Variants in IL1RAPL1 observed in about 807,000 individuals in gnomAD.
The protein encoded by IL1RAPL1 is interleukin 1 receptor accessory protein like 1.
Under a neutral mutation model 48.4 loss-of-function variants are expected in IL1RAPL1, and 3 were observed. The ratio of observed to expected loss-of-function variants is 0.06; its 90% CI spans 0.03 to 0.16. IL1RAPL1 has a LOEUF of 0.16. IL1RAPL1 is among the 10% of genes least tolerant of loss of function. The probability of loss-of-function intolerance (pLI) is 1.00; values close to 1 mark genes in which losing one functional copy is unlikely to be tolerated. For missense variants in IL1RAPL1, 349 were observed against 530.6 expected, an observed-to-expected ratio of 0.66 and a Z score of 3.36; for synonymous variants, 185 against 187.7, an observed-to-expected ratio of 0.99 and a Z score of 0.12.
At chrX:29,400,278 G>C (rs927027534) in intron 5 of IL1RAPL1, among the ~76,000 whole-genome samples, 2 of 112,079 alleles carry the variant, frequency 1.8e-5, no homozygotes, top group Non-Finnish European at 3.8e-5. Flanking sequence ...AAATGGTGTT[G>C]ATAAAATTTG....
intron 5 of IL1RAPL1, among the ~76,000 whole-genome samples, chrX:29,560,417 A>G (rs7887752): frequency 0.13 from 13,916 of 111,327 alleles, 1,080 homozygotes; most frequent in African/African-American, 0.28. Context: ...ATCTATATCT[A>G]TCTCAATATT....
At position 29,955,853 on chromosome X, in the gene IL1RAPL1, G is replaced by A. The variant is rs781046009; in HGVS notation, c.*33G>A. The A allele has an allele frequency of 2.7e-6, 3 of 1,106,669 alleles. No individual in the cohort carries two copies. The highest frequency in any genetic ancestry group is 3.7e-6 in the Non-Finnish European group (3 of 802,578). 91.2% of individuals were successfully genotyped at this position (1,106,669 alleles called of 1,213,427 possible). A position where few individuals can be genotyped will look rare whatever the true frequency, so the allele number is the denominator to read the frequency against. On this transcript the variant is annotated 3_prime_UTR_variant, in exon 11 of 11. Coordinates refer to ENST00000378993, the MANE Select transcript of IL1RAPL1 (RefSeq NM_014271.4). ...GCAAGGGACATCCCGTCCCTGGGAG[G>A]TTGAGTGGAATCTGCAGTCCAGTGC...
intron 2 of IL1RAPL1, among the ~76,000 whole-genome samples, chrX:28,940,162 C>A: frequency 1.8e-5 from 2 of 111,205 alleles, no homozygotes; most frequent in Middle Eastern, 4.7e-3. Context: ...CATAGACATA[C>A]CTCTTATTAC....
chrX:29,381,863 T>TAC (rs1556002358), intron 3 of IL1RAPL1, among the ~76,000 whole-genome samples: 6 of 97,160 alleles, frequency 6.2e-5, no homozygotes, highest in East Asian at 3.3e-4. Context: ...TATATATATA[T>TAC]ACATATACTT....
At chrX:28,895,685 C>A (rs948650734) in intron 2 of IL1RAPL1, among the ~76,000 whole-genome samples, 2 of 111,205 alleles carry the variant, frequency 1.8e-5, no homozygotes, top group Non-Finnish European at 1.9e-5. Flanking sequence ...TCAATACCTA[C>A]CACAGTTATG....
chrX:28,890,560 A>G (rs1234949920), intron 2 of IL1RAPL1, among the ~76,000 whole-genome samples: 1 of 111,789 alleles, frequency 8.9e-6, no homozygotes, highest in Non-Finnish European at 1.9e-5. Flanking sequence ...TTTTCTCACT[A>G]TACAAATAAG....
chrX:29,563,037 T>G (rs1569339625), intron 5 of IL1RAPL1, among the ~76,000 whole-genome samples: 1 of 111,361 alleles, frequency 9.0e-6, no homozygotes, highest in African/African-American at 3.3e-5. Flanking sequence ...TGACCCTACT[T>G]AAAAAAAATT....
intron 2 of IL1RAPL1, among the ~76,000 whole-genome samples, chrX:29,157,124 T>C (rs188999254): frequency 9.0e-6 from 1 of 110,966 alleles, no homozygotes; most frequent in Non-Finnish European, 1.9e-5. Flanking sequence ...AATGTGGACA[T>C]GTGGGTAGGT....
intron 2 of IL1RAPL1, among the ~76,000 whole-genome samples, chrX:29,183,588 G>A (rs1930189641): frequency 8.9e-6 from 1 of 112,051 alleles, no homozygotes; most frequent in Non-Finnish European, 1.9e-5. Flanking sequence ...GTCATCCCCA[G>A]TACAGATGAG....
intron 2 of IL1RAPL1, among the ~76,000 whole-genome samples, chrX:28,909,782 A>G (rs1285044515): frequency 9.0e-6 from 1 of 111,698 alleles, no homozygotes; most frequent in Non-Finnish European, 1.9e-5. Flanking sequence ...TTCTCTGGTT[A>G]TAGTAAAAAC....
At chrX:28,623,188 G>A (rs754885917) in intron 1 of IL1RAPL1, among the ~76,000 whole-genome samples, 4 of 110,579 alleles carry the variant, frequency 3.6e-5, no homozygotes, top group Non-Finnish European at 5.7e-5. Context: ...TTCCTTATAT[G>A]GGTCATGCCA....
intron 6 of IL1RAPL1, among the ~76,000 whole-genome samples, chrX:29,899,494 CTG>C (rs759345917): frequency 2.7e-5 from 3 of 110,052 alleles, no homozygotes; most frequent in Non-Finnish European, 5.7e-5. Flanking sequence ...GAAAAGAACT[CTG>C]AGAGACGTAG....
intron 5 of IL1RAPL1, among the ~76,000 whole-genome samples, chrX:29,425,686 C>A (rs1240603336): frequency 9.0e-6 from 1 of 111,174 alleles, no homozygotes; most frequent in Non-Finnish European, 1.9e-5. Context: ...CTCAAGCAAT[C>A]CGCCCACCTC....
chrX:29,887,994 T>C (rs1932201034), intron 6 of IL1RAPL1, among the ~76,000 whole-genome samples: 1 of 111,474 alleles, frequency 9.0e-6, no homozygotes, highest in African/African-American at 3.3e-5. Flanking sequence ...CCCCATAAAC[T>C]CCTAACACCC....
At chrX:29,800,710 C>T (rs1038297673) in intron 6 of IL1RAPL1, among the ~76,000 whole-genome samples, 10 of 106,647 alleles carry the variant, frequency 9.4e-5, no homozygotes, top group Non-Finnish European at 1.7e-4. Flanking sequence ...TTTGGCCAGG[C>T]GCAGTGGCTC....
At chrX:29,526,217 A>G (rs1187066986) in intron 5 of IL1RAPL1, among the ~76,000 whole-genome samples, 1 of 112,062 alleles carries the variant, frequency 8.9e-6, no homozygotes, top group Non-Finnish European at 1.9e-5. Flanking sequence ...TTAAGGATTT[A>G]AAATATACTG....
chrX:29,343,588 AG>A (rs2147647436), intron 3 of IL1RAPL1, among the ~76,000 whole-genome samples: 1 of 112,112 alleles, frequency 8.9e-6, no homozygotes, highest in African/African-American at 3.2e-5. Flanking sequence ...GATTTTATTA[AG>A]TGTCTTATTT....
intron 2 of IL1RAPL1, among the ~76,000 whole-genome samples, chrX:29,198,969 A>G (rs935009650): frequency 1.8e-5 from 2 of 111,930 alleles, no homozygotes; most frequent in African/African-American, 6.5e-5. Context: ...CTTATACTTT[A>G]AGAAGGGTGT....
chrX:29,803,925 T>G (rs1411556218), intron 6 of IL1RAPL1, among the ~76,000 whole-genome samples: 2 of 110,764 alleles, frequency 1.8e-5, no homozygotes, highest in African/African-American at 3.3e-5. Flanking sequence ...ATGGGAAAAT[T>G]GGGCTTTAGA....
Sources: gnomAD v4.1 joint callset for allele counts (sites outside exome capture counted in the v4.1 genomes callset) on GRCh38, gnomAD v4.1.1 for gene constraint, MANE v1.5 for transcripts, NCBI Gene and HGNC (gene_info 2026-07-23, HGNC 2026-07-21) for gene names.